The following OSBPL8 variants were observed in gnomAD, a reference collection of about 807,000 sequenced individuals.
OSBPL8 encodes oxysterol-binding protein-related protein 8.
A neutral mutation model predicts 125.5 loss-of-function variants in OSBPL8; 59 were observed. The observed-to-expected ratio is 0.47, with a 90% CI of 0.38 to 0.58. The LOEUF is 0.58. OSBPL8 is among the 20% of genes least tolerant of loss of function. OSBPL8 has a pLI of 0.00. For missense variants in OSBPL8, 758 were observed against 1,047.8 expected, an observed-to-expected ratio of 0.72 and a Z score of 3.82; for synonymous variants, 330 against 338.9, an observed-to-expected ratio of 0.97 and a Z score of 0.29.
At chr12:76,492,849 G>A (rs1412861964) in intron 1 of OSBPL8, among the ~76,000 whole-genome samples, 1 of 151,990 alleles carries the variant, frequency 6.6e-6, no homozygotes, top group African/African-American at 2.4e-5. Context: ...AACCATCACC[G>A]CCCTCCTGGT....
At chr12:76,558,072 C>T (rs1026479877) in intron 1 of OSBPL8, among the ~76,000 whole-genome samples, 7 of 152,078 alleles carry the variant, frequency 4.6e-5, no homozygotes, top group Admixed American at 2.0e-4. Flanking sequence ...TCATCTATTT[C>T]CTTTCTCAGC....
At chr12:76,523,649 C>T (rs1359651084) in intron 1 of OSBPL8, among the ~76,000 whole-genome samples, 3 of 152,086 alleles carry the variant, frequency 2.0e-5, no homozygotes, top group Non-Finnish European at 4.4e-5. Context: ...CCTCTGTTTC[C>T]ACCATGTGAG....
At chr12:76,481,705 C>G (rs1198555268) in intron 2 of OSBPL8, among the ~76,000 whole-genome samples, 3 of 152,122 alleles carry the variant, frequency 2.0e-5, no homozygotes, top group Non-Finnish European at 4.4e-5. Context: ...ACATAATACA[C>G]TAAATCAATA....
chr12:76,375,204 G>A, intron 17 of OSBPL8, 69 bp downstream of exon 17: 2 of 1,005,172 alleles, frequency 2.0e-6, no homozygotes, highest in Non-Finnish European at 3.0e-6. Context: ...AATACATGGT[G>A]CCCTTTATTC....
At chr12:76,484,670 C>T (rs915549709) in intron 2 of OSBPL8, among the ~76,000 whole-genome samples, 1 of 152,098 alleles carries the variant, frequency 6.6e-6, no homozygotes, top group Non-Finnish European at 1.5e-5. Context: ...TAACATGTAG[C>T]TAAATGTCTT....
In OSBPL8 at chr12:76,487,413, G is replaced by T. The variant is rs539765991; in HGVS notation, c.42+97C>A. 5.7e-5 allele frequency: 52 copies of T among 911,306 alleles called. No homozygotes were observed. The African/African-American group carries it at 6.2e-4, about 11-fold the overall frequency. 56.5% of individuals were successfully genotyped at this position (911,306 alleles called of 1,614,324 possible). A position where few individuals can be genotyped will look rare whatever the true frequency, so the allele number is the denominator to read the frequency against. ...ATTATTTTAAAAATACTTTTTAAAA[G>T]TTTGTTGTTAATATATTTTAAAAAC... On this transcript the variant is annotated intron_variant, in intron 2 of 23. Transcript: ENST00000261183.
chr12:76,552,146 C>T (rs191826180), intron 1 of OSBPL8, among the ~76,000 whole-genome samples: 5 of 152,164 alleles, frequency 3.3e-5, no homozygotes, highest in African/African-American at 1.2e-4. Context: ...AAACTAGTGG[C>T]AGGCACAGTG....
At chr12:76,456,241 T>C (rs774097468) in intron 3 of OSBPL8, among the ~76,000 whole-genome samples, 11 of 152,236 alleles carry the variant, frequency 7.2e-5, no homozygotes, top group Non-Finnish European at 1.2e-4. Flanking sequence ...TTCTAAGGTA[T>C]ACATTTCTTA....
intron 15 of OSBPL8, 137 bp from the exon 16 acceptor site, chr12:76,378,687 A>T: frequency 4.8e-6 from 3 of 623,206 alleles, no homozygotes; most frequent in Non-Finnish European, 8.4e-6. Context: ...GTGCCCAAAC[A>T]TGTATTCATT....
At chr12:76,444,684 C>G (rs1197905246) in intron 4 of OSBPL8, among the ~76,000 whole-genome samples, 2 of 152,186 alleles carry the variant, frequency 1.3e-5, no homozygotes, top group South Asian at 4.1e-4. Context: ...CTGGTTTCCA[C>G]TTGCTGGTCC....
chr12:76,361,118 A>G (rs1324373325), intron 21 of OSBPL8, among the ~76,000 whole-genome samples: 1 of 152,104 alleles, frequency 6.6e-6, no homozygotes, highest in Non-Finnish European at 1.5e-5. Flanking sequence ...CCAAACTTCT[A>G]TGTTCTGTTT....
At chr12:76,532,670 C>T (rs1466587254) in intron 1 of OSBPL8, among the ~76,000 whole-genome samples, 1 of 151,872 alleles carries the variant, frequency 6.6e-6, no homozygotes, top group African/African-American at 2.4e-5. Context: ...CCTCCTCCAA[C>T]ATATGCAATC....
intron 10 of OSBPL8, among the ~76,000 whole-genome samples, chr12:76,391,636 G>A (rs1253642923): frequency 6.6e-6 from 1 of 152,140 alleles, no homozygotes; most frequent in Non-Finnish European, 1.5e-5. Flanking sequence ...GGTAATACAG[G>A]CCTGTAGTTC....
intron 19 of OSBPL8, among the ~76,000 whole-genome samples, chr12:76,370,366 G>A (rs1952574480): frequency 6.6e-6 from 1 of 152,118 alleles, no homozygotes; most frequent in Non-Finnish European, 1.5e-5. Flanking sequence ...AGAACCACTG[G>A]TTTAACAGAA....
chr12:76,365,569 C>A (rs1282108353), intron 21 of OSBPL8, among the ~76,000 whole-genome samples: 1 of 152,068 alleles, frequency 6.6e-6, no homozygotes, highest in Admixed American at 6.5e-5. Flanking sequence ...GATAGTTTTA[C>A]TTGTTTCCAA....
chr12:76,441,121 T>C (rs1872133940), intron 4 of OSBPL8, among the ~76,000 whole-genome samples: 2 of 152,140 alleles, frequency 1.3e-5, no homozygotes, highest in Non-Finnish European at 2.9e-5. Context: ...ATTAAACTCA[T>C]GTGGGCAGGA....
At chr12:76,412,279 G>A (rs1200232905) in intron 4 of OSBPL8, among the ~76,000 whole-genome samples, 2 of 152,120 alleles carry the variant, frequency 1.3e-5, no homozygotes, top group Non-Finnish European at 2.9e-5. Flanking sequence ...AATCTATGGC[G>A]TTAGAGGTTG....
chr12:76,381,198 A>T (rs957045431), intron 15 of OSBPL8, among the ~76,000 whole-genome samples: 2 of 151,854 alleles, frequency 1.3e-5, no homozygotes, highest in African/African-American at 4.9e-5. Context: ...TTAGATCTGT[A>T]GTTTATTTTC....
intron 4 of OSBPL8, among the ~76,000 whole-genome samples, chr12:76,430,782 T>A (rs1422535145): frequency 6.6e-6 from 1 of 152,158 alleles, no homozygotes; most frequent in African/African-American, 2.4e-5. Flanking sequence ...CGTGAAACTG[T>A]CCTTTAAGAA....
Sources: allele counts gnomAD v4.1 joint callset (sites outside exome capture counted in the v4.1 genomes callset), GRCh38; gene constraint gnomAD v4.1.1; transcripts MANE v1.5; gene names NCBI Gene and HGNC (gene_info 2026-07-23, HGNC 2026-07-21).